Variants in PFKP observed in about 807,000 individuals in gnomAD.
PFKP encodes the protein ATP-dependent 6-phosphofructokinase, platelet type.
In PFKP, 101 loss-of-function variants were observed where a neutral mutation model predicts 94.3. The observed-to-expected ratio is 1.07, with a 90% CI of 0.91 to 1.26. The LOEUF (loss-of-function observed/expected upper bound fraction) is 1.26. Among genes scored for constraint, PFKP ranks in the 50% most tolerant of loss-of-function variants. The pLI is 0.00. For synonymous variants in PFKP, 573 were observed against 432.6 expected (o/e 1.32, Z -4.03); for missense variants, 1,145 against 1,103.3 (o/e 1.04, Z -0.53).
At chr10:3,099,842 CTG>C (rs1168563767) in intron 3 of PFKP, among the ~76,000 whole-genome samples, 1 of 150,544 alleles carries the variant, frequency 6.6e-6, no homozygotes, top group Non-Finnish European at 1.5e-5. Flanking sequence ...ATCAGTGAGT[CTG>C]TGTTTCTGTG....
chr10:3,131,109 T>C (rs762341146), intron 17 of PFKP, among the ~76,000 whole-genome samples: 29 of 151,996 alleles, frequency 1.9e-4, no homozygotes, highest in Non-Finnish European at 2.8e-4. Flanking sequence ...ATTTTTATAA[T>C]ATATATTTTA....
chr10:3,136,493 C>G lies in PFKP; in HGVS notation c.2269C>G (p.Leu757Val), dbSNP rs768779932. ...KEQWWLKLRP[L>V]MKILAKYKAS... is the part of the protein sequence containing the mutation. Reference sequence around the variant, plus strand: ...ACAGTGGTGGCTCAAGCTACGGCCCCTCATGAAAATCCTGGCCAAGTACAA... The same window carrying G: ...ACAGTGGTGGCTCAAGCTACGGCCCGTCATGAAAATCCTGGCCAAGTACAA... Residue 757 changes from leucine to valine, a missense_variant, in exon 22 of 22, where the codon CTC (leucine) becomes GTC (valine). Coordinates refer to ENST00000381125, the MANE Select transcript of PFKP (RefSeq NM_002627.5). 6.2e-6 allele frequency: 10 copies of G among 1,613,556 alleles called. No homozygotes were observed. The highest frequency in any genetic ancestry group is 1.3e-5 in the African/African-American group (1 of 74,880).
chr10:3,086,412 T>G (rs1833602435), intron 2 of PFKP, among the ~76,000 whole-genome samples: 1 of 152,216 alleles, frequency 6.6e-6, no homozygotes, highest in South Asian at 2.1e-4. Context: ...AGGAACAGAG[T>G]TCGGTCCCCG....
intron 2 of PFKP, among the ~76,000 whole-genome samples, chr10:3,095,572 G>A (rs1588446814): frequency 6.6e-6 from 1 of 152,196 alleles, no homozygotes; most frequent in Non-Finnish European, 1.5e-5. Flanking sequence ...CTGAGATAAG[G>A]TTAAAGGTTT....
intron 18 of PFKP, 133 bp downstream of exon 18, chr10:3,132,574 G>C (rs954560684): frequency 1.5e-5 from 10 of 646,150 alleles, no homozygotes; most frequent in Non-Finnish European, 2.8e-6. Flanking sequence ...CTGAGCAGGT[G>C]CAGAAGACAG....
chr10:3,127,296 T>A (rs983607716), intron 16 of PFKP, among the ~76,000 whole-genome samples: 2 of 152,258 alleles, frequency 1.3e-5, no homozygotes, highest in African/African-American at 4.8e-5. Context: ...AGGGCTGCGC[T>A]GTTCCACAGC....
Position 3,069,415 on chromosome 10 carries a change from G to T in PFKP, c.112+1708G>T, listed in dbSNP as rs181332547. The T allele has an allele frequency of 6.6e-5, 104 of 1,572,252 alleles. No individual in the cohort carries two copies. In the African/African-American group the frequency reaches 9.0e-4, roughly 14 times the overall value. On this transcript the variant is annotated intron_variant, in intron 1 of 21. Coordinates refer to ENST00000381125, the MANE Select transcript of PFKP (RefSeq NM_002627.5). ...GTACGAATGGAGCCGCCTTGGGGTCGGGATAGGACCCAGAGTGGCTTCTCA... is the reference window on the plus strand; with the variant it reads ...GTACGAATGGAGCCGCCTTGGGGTCTGGATAGGACCCAGAGTGGCTTCTCA...
intron 4 of PFKP, 135 bp from the exon 5 acceptor site, chr10:3,103,643 AG>A: frequency 1.2e-6 from 1 of 855,638 alleles, no homozygotes; most frequent in Non-Finnish European, 1.8e-6. Flanking sequence ...ATGATAATAA[AG>A]AAATGATACC....
At chr10:3,077,249 C>CTTTTTTTTTTTTTTTTTTTTTTTTTT (rs35306351) in intron 1 of PFKP, among the ~76,000 whole-genome samples, 1 of 108,180 alleles carries the variant, frequency 9.2e-6, no homozygotes. Flanking sequence ...CTATTCTTTA[C>CTTTTTTTTTTTTTTTTTTTTTTTTTT]TTTTTTTTTT....
intron 2 of PFKP, 78 bp from the exon 3 acceptor site, chr10:3,099,193 TCCCG>T: frequency 9.0e-7 from 1 of 1,110,428 alleles, no homozygotes; most frequent in Non-Finnish European, 1.4e-6. Context: ...CTGTCATTTT[TCCCG>T]TTTTATATAA....
At chr10:3,077,879 C>A (rs1269590736) in intron 1 of PFKP, among the ~76,000 whole-genome samples, 1 of 152,240 alleles carries the variant, frequency 6.6e-6, no homozygotes, top group Non-Finnish European at 1.5e-5. Context: ...CCCTCATTAT[C>A]TCCAACTTTA....
intron 3 of PFKP, among the ~76,000 whole-genome samples, chr10:3,100,141 C>G (rs1394685973): frequency 1.3e-5 from 2 of 151,412 alleles, no homozygotes; most frequent in South Asian, 2.1e-4. Context: ...GCCCAGTTAT[C>G]CTGGTTTCGT....
chr10:3,132,274 A>C, intron 17 of PFKP, 106 bp from the exon 18 acceptor site: 1 of 779,464 alleles, frequency 1.3e-6, no homozygotes, highest in Non-Finnish European at 2.3e-6. Flanking sequence ...CTCCTTGGCC[A>C]CGCTCACTGC....
intron 8 of PFKP, chr10:3,107,938 A>T: frequency 7.8e-7 from 1 of 1,289,662 alleles, no homozygotes; most frequent in Non-Finnish European, 1.0e-6. Context: ...TGGCTCCAGC[A>T]GCCACGGGGC....
At chr10:3,075,733 T>C (rs961755925) in intron 1 of PFKP, among the ~76,000 whole-genome samples, 5 of 149,388 alleles carry the variant, frequency 3.3e-5, no homozygotes, top group Admixed American at 6.7e-5. Flanking sequence ...CAAGACCTAG[T>C]CTCTACAAAA....
chr10:3,070,033 G>A (rs1832068000), intron 1 of PFKP, among the ~76,000 whole-genome samples: 2 of 152,356 alleles, frequency 1.3e-5, no homozygotes, highest in South Asian at 4.1e-4. Context: ...GGAGACAGCT[G>A]CCCTCAGCTC....
intron 16 of PFKP, among the ~76,000 whole-genome samples, chr10:3,121,803 CTTTTTTTTTTTT>C (rs759926178): frequency 3.1e-5 from 1 of 32,624 alleles, no homozygotes; most frequent in Non-Finnish European, 5.9e-5. Context: ...CTTTTTTTTT[CTTTTTTTTTTTT>C]TTTTTTTTTT....
At position 3,105,150 on chromosome 10, in the gene PFKP, G is replaced by A. The variant is rs749020438; in HGVS notation, c.656G>A (p.Arg219Gln). 29 of 1,613,628 alleles carry A rather than the reference G, an allele frequency of 1.8e-5. No individual in the cohort carries two copies. Among genetic ancestry groups the A allele is most frequent in the Middle Eastern group, 1.6e-4 (1 of 6,084 alleles). ...ACCTTCGTTCTGGAGGTGATGGGAC[G>A]ACACTGTGGGTACGTACCTGCGGTG... ...QRTFVLEVMG[R>Q]HCGYLALVSA... The change falls in exon 6 of 22, where the codon CGA becomes CAA. Residue 219 changes from arginine to glutamine, a missense_variant. Physicochemically the swap from Arg to Gln is conservative, Grantham distance 43 (BLOSUM62 1). Transcript: ENST00000381125.
rs902322571 is a variant in PFKP at position 3,115,164 on chromosome 10, T to C, written c.1372-1612T>C. Among the ~76,000 whole-genome samples, 3 of 152,192 alleles carry C rather than the reference T, an allele frequency of 2.0e-5. No homozygotes were observed. In the East Asian group the frequency reaches 5.8e-4, roughly 29 times the overall value. ...GCAATTTATGAGGACTAGGAAGCCC[T>C]GAGACACACTTCTTGCAGGTAGGAT... On this transcript the variant is annotated intron_variant, in intron 13 of 21. Transcript: ENST00000381125.
Sources: allele counts gnomAD v4.1 joint callset (sites outside exome capture counted in the v4.1 genomes callset), GRCh38; gene constraint gnomAD v4.1.1; transcripts MANE v1.5; gene names NCBI Gene and HGNC (gene_info 2026-07-23, HGNC 2026-07-21).